TPST1: variants seen among roughly 807,000 people sequenced by gnomAD.
TPST1 encodes tyrosylprotein sulfotransferase 1.
Under a neutral mutation model 34.8 loss-of-function variants are expected in TPST1, and 20 were observed. That is an observed-to-expected ratio of 0.57 (90% CI 0.40 to 0.84). The LOEUF (loss-of-function observed/expected upper bound fraction) is 0.84. TPST1 is among the 40% of genes least tolerant of loss of function. The pLI, the probability that TPST1 is intolerant of heterozygous loss-of-function variation, is 0.00. For missense variants in TPST1, 353 were observed against 455.5 expected (o/e 0.78, Z 2.05); for synonymous variants, 152 against 159.4 (o/e 0.95, Z 0.35).
intron 2 of TPST1, among the ~76,000 whole-genome samples, chr7:66,257,391 C>T (rs1448246073): frequency 2.0e-5 from 3 of 152,182 alleles, no homozygotes; most frequent in South Asian, 2.1e-4. Context: ...ATAGGAGGCA[C>T]AGAAGTGTTA....
chr7:66,224,121 A>C (rs548435711), intron 1 of TPST1, among the ~76,000 whole-genome samples: 2 of 152,240 alleles, frequency 1.3e-5, no homozygotes, highest in South Asian at 4.1e-4. Context: ...TGCAGCTAGG[A>C]AAAGGTGTTC....
At chr7:66,218,382 ACTCATTTATATG>A (rs1393518040) in intron 1 of TPST1, among the ~76,000 whole-genome samples, 1 of 152,196 alleles carries the variant, frequency 6.6e-6, no homozygotes, top group African/African-American at 2.4e-5. Context: ...GATAAATCAT[ACTCATTTATATG>A]CTCATTTAAT....
At chr7:66,292,829 A>G (rs1358499439) in intron 3 of TPST1, among the ~76,000 whole-genome samples, 1 of 150,758 alleles carries the variant, frequency 6.6e-6, no homozygotes, top group Non-Finnish European at 1.5e-5. Context: ...TGCGTCGCTC[A>G]CGCTGGGAGC....
At chr7:66,249,496 T>G (rs192707397) in intron 2 of TPST1, among the ~76,000 whole-genome samples, 2 of 152,310 alleles carry the variant, frequency 1.3e-5, no homozygotes, top group Non-Finnish European at 2.9e-5. Context: ...AAATCATGTT[T>G]TCAAACATCA....
intron 3 of TPST1, among the ~76,000 whole-genome samples, chr7:66,295,051 G>C (rs140031284): frequency 2.6e-5 from 4 of 151,994 alleles, no homozygotes; most frequent in Admixed American, 1.3e-4. Flanking sequence ...GTTGTTTACC[G>C]TTTTCTCTTT....
intron 3 of TPST1, among the ~76,000 whole-genome samples, chr7:66,343,456 A>G (rs954404939): frequency 2.0e-5 from 3 of 152,146 alleles, no homozygotes; most frequent in African/African-American, 2.4e-5. Context: ...ATTGGGTACT[A>G]TGCTCACGAC....
rs1791857832 is a variant in TPST1 at position 66,325,926 on chromosome 7, GC to G, written c.1045-26577del. On this transcript the variant is annotated intron_variant, in intron 3 of 5. Coordinates refer to ENST00000304842, the MANE Select transcript of TPST1 (RefSeq NM_003596.4). ...TGGGGTTACAGGCGTGAGCCACCAT[GC>G]CTGGCCTTTAATTTTTTTAAAAAGT... is the stretch of plus-strand genomic sequence containing the variant. 2.0e-5 allele frequency among the ~76,000 whole-genome samples: 3 copies of G among 152,290 alleles called. No individual in the cohort carries two copies. The South Asian group carries it at 6.2e-4, about 32-fold the overall frequency.
At chr7:66,327,068 A>G (rs1173087071) in intron 3 of TPST1, among the ~76,000 whole-genome samples, 6 of 152,200 alleles carry the variant, frequency 3.9e-5, no homozygotes, top group African/African-American at 1.4e-4. Flanking sequence ...GGGGATTTCA[A>G]ACTCCAGATT....
chr7:66,337,517 C>T (rs1226622244), intron 3 of TPST1, among the ~76,000 whole-genome samples: 1 of 151,944 alleles, frequency 6.6e-6, no homozygotes. Context: ...CAATGTTGGC[C>T]AGGCTGGTCT....
At chr7:66,221,438 T>C (rs1239108882) in intron 1 of TPST1, among the ~76,000 whole-genome samples, 2 of 152,134 alleles carry the variant, frequency 1.3e-5, no homozygotes, top group Non-Finnish European at 2.9e-5. Context: ...CATTGACCAA[T>C]GGAGGAAAGG....
intron 3 of TPST1, among the ~76,000 whole-genome samples, chr7:66,316,894 G>A (rs938312227): frequency 5.9e-5 from 9 of 152,148 alleles, no homozygotes; most frequent in South Asian, 2.1e-4. Flanking sequence ...GACACATGGC[G>A]GAGAACAAGA....
Position 66,232,730 on chromosome 7 carries a change from A to G in TPST1, c.-101-7595A>G, listed in dbSNP as rs138770284. ...ACTGTGTTGCCCATGCTTGTCTCAC[A>G]CTCCTGGGCTCATCTCCCACATCAG... On this transcript the variant is annotated intron_variant, in intron 1 of 5. Transcript: ENST00000304842. 2.6e-5 allele frequency among the ~76,000 whole-genome samples: 4 copies of G among 151,806 alleles called. No homozygotes were observed. The East Asian group carries it at 7.8e-4, about 29-fold the overall frequency.
intron 1 of TPST1, among the ~76,000 whole-genome samples, chr7:66,207,296 A>C (rs1454428004): frequency 1.3e-5 from 2 of 151,926 alleles, no homozygotes; most frequent in Non-Finnish European, 2.9e-5. Context: ...CCTTCTCTTC[A>C]TTGCTTATTT....
intron 2 of TPST1, among the ~76,000 whole-genome samples, chr7:66,264,910 A>C (rs1291878676): frequency 1.3e-5 from 2 of 152,190 alleles, no homozygotes; most frequent in African/African-American, 2.4e-5. Flanking sequence ...AAAACAAAAC[A>C]AAACAAAAAA....
At chr7:66,345,375 C>G (rs1288689954) in intron 3 of TPST1, among the ~76,000 whole-genome samples, 2 of 150,044 alleles carry the variant, frequency 1.3e-5, no homozygotes, top group Non-Finnish European at 3.0e-5. Flanking sequence ...TGCCTGTAAT[C>G]CCAGCTACTC....
intron 3 of TPST1, among the ~76,000 whole-genome samples, chr7:66,323,229 A>T (rs937141664): frequency 2.0e-5 from 3 of 152,050 alleles, no homozygotes; most frequent in African/African-American, 4.8e-5. Context: ...TTGATTCTTT[A>T]ATTGGGCCAT....
At chr7:66,318,991 C>G (rs1004560550) in intron 3 of TPST1, among the ~76,000 whole-genome samples, 3 of 152,122 alleles carry the variant, frequency 2.0e-5, no homozygotes, top group African/African-American at 7.2e-5. Context: ...TGACTTTACT[C>G]TCTGATTTTT....
At chr7:66,358,823 A>C (rs940596807) in intron 5 of TPST1, among the ~76,000 whole-genome samples, 2 of 152,178 alleles carry the variant, frequency 1.3e-5, no homozygotes, top group Non-Finnish European at 2.9e-5. Context: ...CGCCCCACCA[A>C]ACACACACAA....
chr7:66,241,593 A>G (rs942389438), intron 2 of TPST1, among the ~76,000 whole-genome samples: 2 of 152,180 alleles, frequency 1.3e-5, no homozygotes, highest in African/African-American at 4.8e-5. Flanking sequence ...CTTAATGCCA[A>G]TCATTCAGTT....
Sources: gnomAD v4.1 joint callset for allele counts (sites outside exome capture counted in the v4.1 genomes callset) on GRCh38, gnomAD v4.1.1 for gene constraint, MANE v1.5 for transcripts, NCBI Gene and HGNC (gene_info 2026-07-23, HGNC 2026-07-21) for gene names.